SPIDR: variants seen among roughly 807,000 people sequenced by gnomAD.
SPIDR encodes DNA repair-scaffolding protein.
Under a neutral mutation model 104.6 loss-of-function variants are expected in SPIDR, and 93 were observed. The observed-to-expected ratio is 0.89, with a 90% CI of 0.75 to 1.06. SPIDR has a LOEUF of 1.06. Among genes scored for constraint, SPIDR ranks in the 50% least tolerant of loss-of-function variants. The probability of loss-of-function intolerance (pLI) is 0.00; values close to 1 mark genes in which losing one functional copy is unlikely to be tolerated. For missense variants in SPIDR, 1,154 were observed against 1,111.2 expected (o/e 1.04, Z -0.55); for synonymous variants, 431 against 416.9 (o/e 1.03, Z -0.41).
intron 8 of SPIDR, chr8:47,592,279 G>T: frequency 1.7e-6 from 2 of 1,165,426 alleles, no homozygotes; most frequent in Non-Finnish European, 2.6e-6. Flanking sequence ...ACAAGGCCTG[G>T]GTTGATAGCA....
intron 5 of SPIDR, among the ~76,000 whole-genome samples, chr8:47,377,780 G>C (rs138104526): frequency 6.6e-6 from 1 of 152,190 alleles, no homozygotes; most frequent in African/African-American, 2.4e-5. Flanking sequence ...AAGTGGCCGC[G>C]TCAAGGGCCA....
chr8:47,309,928 A>C, intron 5 of SPIDR, among the ~76,000 whole-genome samples: 1 of 152,096 alleles, frequency 6.6e-6, no homozygotes, highest in South Asian at 2.1e-4. Context: ...AGTCCCAGCT[A>C]CTCAGGAGGC....
intron 5 of SPIDR, among the ~76,000 whole-genome samples, chr8:47,353,726 G>A (rs200184496): frequency 7.7e-6 from 1 of 129,042 alleles, no homozygotes; most frequent in Non-Finnish European, 1.6e-5. Context: ...TTTTTTTTTA[G>A]TGTGGATTTC....
rs1355873981 is a variant in SPIDR, at chr8:47,536,194, A to G, written c.1098-59617A>G. ...CCACGTTCATAGATAAGAAGACTCAATGTTATTAAGATGTCAGTTCTTCCC... is the reference window on the plus strand; with the variant it reads ...CCACGTTCATAGATAAGAAGACTCAGTGTTATTAAGATGTCAGTTCTTCCC... On this transcript the variant is annotated intron_variant, in intron 8 of 19. Coordinates refer to ENST00000297423, the MANE Select transcript of SPIDR (RefSeq NM_001080394.4). 9.2e-5 allele frequency among the ~76,000 whole-genome samples: 14 copies of G among 152,214 alleles called. No homozygotes were observed. In the East Asian group the frequency reaches 2.7e-3, roughly 29 times the overall value.
chr8:47,301,444 A>G (rs1240522902), intron 5 of SPIDR, among the ~76,000 whole-genome samples: 1 of 152,170 alleles, frequency 6.6e-6, no homozygotes, highest in Non-Finnish European at 1.5e-5. Context: ...GCCCATTTAC[A>G]TTTAAGGTTA....
chr8:47,651,744 A>G (rs189341287), intron 10 of SPIDR, among the ~76,000 whole-genome samples: 20 of 152,348 alleles, frequency 1.3e-4, no homozygotes, highest in African/African-American at 4.3e-4. Flanking sequence ...AAAAATCACT[A>G]TACACACCAT....
intron 19 of SPIDR, chr8:47,732,422 T>G (rs1256683566): frequency 1.8e-6 from 1 of 555,156 alleles, no homozygotes; most frequent in Non-Finnish European, 3.2e-6. Context: ...TGTGTGTATG[T>G]GTGTGCATTG....
intron 5 of SPIDR, among the ~76,000 whole-genome samples, chr8:47,300,226 A>T (rs2041798776): frequency 6.6e-6 from 1 of 152,102 alleles, no homozygotes; most frequent in Non-Finnish European, 1.5e-5. Context: ...TAGATTTTCT[A>T]ATTTATTTGT....
At chr8:47,517,024 G>A (rs551979666) in intron 8 of SPIDR, among the ~76,000 whole-genome samples, 108 of 152,062 alleles carry the variant, frequency 7.1e-4, no homozygotes, top group Admixed American at 3.1e-3. Context: ...ATGACTTGTC[G>A]CCCAGGCTGG....
At chr8:47,404,409 A>G (rs1359501329) in intron 6 of SPIDR, among the ~76,000 whole-genome samples, 7 of 152,248 alleles carry the variant, frequency 4.6e-5, no homozygotes, top group Non-Finnish European at 8.8e-5. Flanking sequence ...CAGAGTGAAC[A>G]GGCAACCTAC....
chr8:47,505,873 G>A (rs374629137), intron 8 of SPIDR, among the ~76,000 whole-genome samples: 52 of 152,268 alleles, frequency 3.4e-4, no homozygotes, highest in African/African-American at 1.1e-3. Context: ...ATTTTTTTCC[G>A]TCACTTCTCA....
At chr8:47,327,824 A>G (rs1554601385) in intron 5 of SPIDR, among the ~76,000 whole-genome samples, 1 of 152,010 alleles carries the variant, frequency 6.6e-6, no homozygotes, top group Non-Finnish European at 1.5e-5. Flanking sequence ...TGGCCTCCCA[A>G]AGTGCTGGGA....
chr8:47,560,700 T>A (rs2056955518), intron 8 of SPIDR, among the ~76,000 whole-genome samples: 1 of 152,224 alleles, frequency 6.6e-6, no homozygotes, highest in Non-Finnish European at 1.5e-5. Context: ...ATTTATGACT[T>A]TCATAATCAG....
At chr8:47,292,430 A>G (rs1586447874) in intron 4 of SPIDR, among the ~76,000 whole-genome samples, 1 of 152,178 alleles carries the variant, frequency 6.6e-6, no homozygotes, top group Non-Finnish European at 1.5e-5. Flanking sequence ...AATGAAATTT[A>G]TTGTTACTTG....
At chr8:47,315,812 G>C (rs1554589106) in intron 5 of SPIDR, among the ~76,000 whole-genome samples, 1 of 152,160 alleles carries the variant, frequency 6.6e-6, no homozygotes, top group African/African-American at 2.4e-5. Flanking sequence ...CTGTATGGAT[G>C]AAAGTTCACC....
chr8:47,627,368 C>G (rs1236939913), intron 10 of SPIDR, among the ~76,000 whole-genome samples: 1 of 151,562 alleles, frequency 6.6e-6, no homozygotes, highest in Non-Finnish European at 1.5e-5. Context: ...TGCACATGTA[C>G]CCTAAAACTT....
chr8:47,318,076 G>A (rs1249314139), intron 5 of SPIDR, among the ~76,000 whole-genome samples: 1 of 152,128 alleles, frequency 6.6e-6, no homozygotes, highest in Non-Finnish European at 1.5e-5. Flanking sequence ...CACCAGCAAC[G>A]GAACAAAGCT....
intron 5 of SPIDR, among the ~76,000 whole-genome samples, chr8:47,350,311 T>C (rs1042839072): frequency 4.6e-5 from 7 of 152,238 alleles, no homozygotes; most frequent in African/African-American, 1.4e-4. Flanking sequence ...ACACTTGTTA[T>C]AATTTATGTG....
intron 7 of SPIDR, among the ~76,000 whole-genome samples, chr8:47,420,539 G>A (rs2065243058): frequency 6.6e-6 from 1 of 152,164 alleles, no homozygotes; most frequent in South Asian, 2.1e-4. Flanking sequence ...CCTGAATGCA[G>A]CACACTGATG....
Sources: allele counts gnomAD v4.1 joint callset (sites outside exome capture counted in the v4.1 genomes callset), GRCh38; gene constraint gnomAD v4.1.1; transcripts MANE v1.5; gene names NCBI Gene and HGNC (gene_info 2026-07-23, HGNC 2026-07-21).